The following PLXDC1 variants were observed in gnomAD, a reference collection of about 807,000 sequenced individuals.
The protein encoded by PLXDC1 is plexin domain-containing protein 1.
PLXDC1 carries 39 observed loss-of-function variants against 61.3 expected under a neutral mutation model. The ratio of observed to expected loss-of-function variants is 0.64; its 90% CI spans 0.49 to 0.83. The LOEUF (loss-of-function observed/expected upper bound fraction) is 0.83, where lower values mean the gene tolerates loss of function less well. Among genes scored for constraint, PLXDC1 ranks in the 40% least tolerant of loss-of-function variants. PLXDC1 has a pLI of 0.00. For synonymous variants in PLXDC1, 212 were observed against 254.5 expected, an observed-to-expected ratio of 0.83 and a Z score of 1.59; for missense variants, 596 against 666.5, an observed-to-expected ratio of 0.89 and a Z score of 1.17.
rs1482515223 is a variant in PLXDC1 at position 39,134,477 on chromosome 17, T to G, written c.255+5177A>C. On this transcript the variant is annotated intron_variant, in intron 2 of 13. Transcript: ENST00000315392. Reference sequence around the variant, plus strand: ...CCCGTCTCTACTGAAATACAAAAAATTAGCCGGGCTTGGTAGCATGTGCCT... The same window carrying G: ...CCCGTCTCTACTGAAATACAAAAAAGTAGCCGGGCTTGGTAGCATGTGCCT... Among the ~76,000 whole-genome samples the G allele has an allele frequency of 4.1e-5, 6 of 146,568 alleles. 1 individual carries two copies. Among genetic ancestry groups the G allele is most frequent in the African/African-American group, 1.5e-4 (6 of 39,598 alleles).
intron 2 of PLXDC1, among the ~76,000 whole-genome samples, chr17:39,114,753 A>C (rs962344657): frequency 6.6e-6 from 1 of 152,204 alleles, no homozygotes; most frequent in Non-Finnish European, 1.5e-5. Context: ...CTCTCAGGTA[A>C]GTCTCAGAGT....
chr17:39,106,251 G>T (rs564099312), intron 6 of PLXDC1, among the ~76,000 whole-genome samples: 15 of 151,632 alleles, frequency 9.9e-5, no homozygotes, highest in Admixed American at 9.9e-4. Flanking sequence ...ATGCATCTCC[G>T]AATTCTGTTG....
chr17:39,089,340 GA>G (rs1179158733), intron 7 of PLXDC1, among the ~76,000 whole-genome samples: 1 of 152,200 alleles, frequency 6.6e-6, no homozygotes, highest in Admixed American at 6.5e-5. Context: ...CTGTAACCAA[GA>G]GGCCTTTTGC....
At position 39,128,140 on chromosome 17, in the gene PLXDC1, T is replaced by C. The variant is rs1911400364; in HGVS notation, c.255+11514A>G. 2.6e-5 allele frequency among the ~76,000 whole-genome samples: 3 copies of C among 116,568 alleles called. No homozygotes were observed. The Admixed American group carries it at 2.6e-4, about 10-fold the overall frequency. The allele number at this position is 116,568 out of a possible 152,430, so 76.5% of individuals were successfully genotyped here. A position where few individuals can be genotyped will look rare whatever the true frequency, so the allele number is the denominator to read the frequency against. On this transcript the variant is annotated intron_variant, in intron 2 of 13. Transcript: ENST00000315392. ...GTATATATATATGTGTATATATATGTATATATATGTGTGTATATATATGTA... is the reference window on the plus strand; with the variant it reads ...GTATATATATATGTGTATATATATGCATATATATGTGTGTATATATATGTA...
At chr17:39,121,528 T>C (rs542206898) in intron 2 of PLXDC1, among the ~76,000 whole-genome samples, 2 of 152,310 alleles carry the variant, frequency 1.3e-5, no homozygotes, top group Non-Finnish European at 2.9e-5. Context: ...AAGAGTCCCA[T>C]GGCTTGAAAT....
rs1237489097 is a variant in PLXDC1, at chr17:39,063,783, A to G, written c.*4057T>C. The G allele has an allele frequency of 7.8e-6, 3 of 386,192 alleles. No individual in the cohort carries two copies. Among genetic ancestry groups the G allele is most frequent in the East Asian group, 5.5e-5 (1 of 18,048 alleles). 23.9% of individuals were successfully genotyped at this position (386,192 alleles called of 1,614,324 possible). Reference sequence around the variant, plus strand: ...TTTGGAGACAGAGATTGGCCGCATCATATCTGTGACACTGACTCTTCTGGT... The same window carrying G: ...TTTGGAGACAGAGATTGGCCGCATCGTATCTGTGACACTGACTCTTCTGGT... On this transcript the variant is annotated 3_prime_UTR_variant, in exon 14 of 14. Coordinates refer to ENST00000315392, the MANE Select transcript of PLXDC1 (RefSeq NM_020405.5).
chr17:39,088,961 A>AAAG (rs1909846702), intron 7 of PLXDC1, among the ~76,000 whole-genome samples: 1 of 130,182 alleles, frequency 7.7e-6, no homozygotes, highest in African/African-American at 3.2e-5. Flanking sequence ...AAAAAAAAAA[A>AAAG]AAAGAGAGAG....
chr17:39,117,271 G>T (rs1048489797), intron 2 of PLXDC1, among the ~76,000 whole-genome samples: 5 of 152,252 alleles, frequency 3.3e-5, no homozygotes, highest in Middle Eastern at 3.4e-3. Flanking sequence ...GTCAACCTGG[G>T]TCCCCTGCCA....
At chr17:39,114,954 C>A (rs1006743374) in intron 2 of PLXDC1, among the ~76,000 whole-genome samples, 10 of 152,220 alleles carry the variant, frequency 6.6e-5, no homozygotes, top group Admixed American at 4.6e-4. Flanking sequence ...TTGTGAAGCC[C>A]AAACAGATGC....
At chr17:39,150,705 G>A (rs2045367075) in intron 1 of PLXDC1, among the ~76,000 whole-genome samples, 1 of 152,234 alleles carries the variant, frequency 6.6e-6, no homozygotes, top group African/African-American at 2.4e-5. Flanking sequence ...TAGAGCCAGA[G>A]TAGCTGAAAG....
chr17:39,110,944 A>C (rs1910778355), intron 2 of PLXDC1, among the ~76,000 whole-genome samples: 1 of 151,994 alleles, frequency 6.6e-6, no homozygotes, highest in Non-Finnish European at 1.5e-5. Flanking sequence ...GCCTCCACCC[A>C]TCCTCAGCAC....
chr17:39,081,195 A>G (rs1310773623), intron 9 of PLXDC1: 1 of 152,618 alleles, frequency 6.6e-6, no homozygotes, highest in Non-Finnish European at 1.5e-5. Flanking sequence ...AGGTATAAGG[A>G]GAGCCTCACA....
chr17:39,087,809 AG>A (rs1909800451), intron 7 of PLXDC1, 107 bp from the exon 8 acceptor site: 1 of 736,546 alleles, frequency 1.4e-6, no homozygotes, highest in Admixed American at 2.1e-5. Flanking sequence ...GAAGGCAGTA[AG>A]TGCACCCAGC....
In PLXDC1 at chr17:39,125,693, G is replaced by A. The variant is rs78094368; in HGVS notation, c.255+13961C>T. 4.9e-3 allele frequency among the ~76,000 whole-genome samples: 749 copies of A among 152,178 alleles called. 9 individuals carry two copies. The highest frequency in any genetic ancestry group is 0.017 in the African/African-American group (720 of 41,524). On this transcript the variant is annotated intron_variant, in intron 2 of 13. Transcript: ENST00000315392. ...TGCTGATCATGCAGTTTCATGGACCGCTTCTGTCACATTTCATGATATCAA... is the reference window on the plus strand; with the variant it reads ...TGCTGATCATGCAGTTTCATGGACCACTTCTGTCACATTTCATGATATCAA...
intron 7 of PLXDC1, among the ~76,000 whole-genome samples, chr17:39,090,760 G>A (rs1909918949): frequency 6.6e-6 from 1 of 152,168 alleles, no homozygotes; most frequent in Non-Finnish European, 1.5e-5. Context: ...TGAGACTCTA[G>A]GGCATTTTCA....
intron 7 of PLXDC1, among the ~76,000 whole-genome samples, chr17:39,099,060 G>A (rs1910326066): frequency 6.6e-6 from 1 of 152,092 alleles, no homozygotes; most frequent in Non-Finnish European, 1.5e-5. Context: ...GCTGGGAGCT[G>A]CTGGCAGTGT....
intron 2 of PLXDC1, among the ~76,000 whole-genome samples, chr17:39,128,545 T>C (rs929933071): frequency 6.6e-6 from 1 of 151,508 alleles, no homozygotes; most frequent in Non-Finnish European, 1.5e-5. Context: ...AAAGGGAAAA[T>C]AACAAGTGTT....
intron 1 of PLXDC1, among the ~76,000 whole-genome samples, chr17:39,150,010 C>T (rs772296958): frequency 6.6e-6 from 1 of 152,172 alleles, no homozygotes; most frequent in Admixed American, 6.6e-5. Flanking sequence ...CATTATTCCA[C>T]GCACAAGAGT....
intron 11 of PLXDC1, chr17:39,072,703 G>A: frequency 1.7e-6 from 1 of 576,106 alleles, no homozygotes; most frequent in Non-Finnish European, 3.1e-6. Context: ...AGATGAGGCT[G>A]GGAGTGGAGG....
Sources: gnomAD v4.1 joint callset for allele counts (sites outside exome capture counted in the v4.1 genomes callset) on GRCh38, gnomAD v4.1.1 for gene constraint, MANE v1.5 for transcripts, NCBI Gene and HGNC (gene_info 2026-07-23, HGNC 2026-07-21) for gene names.